The following XG variants were observed in gnomAD, a reference collection of about 807,000 sequenced individuals.
The protein encoded by XG is glycoprotein Xg.
Under a neutral mutation model 25.7 loss-of-function variants are expected in XG, and 24 were observed. The observed-to-expected ratio is 0.93, with a 90% CI of 0.68 to 1.31. The LOEUF is 1.31. Ranked by LOEUF, XG falls within the 40% of genes most tolerant of loss-of-function variation. The pLI is 0.00. For synonymous variants in XG, 77 were observed against 69.2 expected (o/e 1.11, Z -0.56); for missense variants, 181 against 187.6 (o/e 0.96, Z 0.21).
intron 3 of XG, among the ~76,000 whole-genome samples, chrX:2,776,372 C>G (rs1349672082): frequency 6.6e-6 from 1 of 150,960 alleles, no homozygotes; most frequent in Non-Finnish European, 1.5e-5. Flanking sequence ...AAGACTATTA[C>G]AAGGTGATAG....
At chrX:2,803,150 T>C (rs1313665255) in intron 7 of XG, among the ~76,000 whole-genome samples, 1 of 111,573 alleles carries the variant, frequency 9.0e-6, no homozygotes, top group Non-Finnish European at 1.9e-5. Context: ...TTTTTTATTG[T>C]TTTATTATTT....
chrX:2,769,903 G>T (rs2050775981), intron 1 of XG, among the ~76,000 whole-genome samples: 1 of 152,182 alleles, frequency 6.6e-6, no homozygotes, highest in Non-Finnish European at 1.5e-5. Flanking sequence ...GCCAGGTGAG[G>T]TGGCAAAGGT....
intron 3 of XG, among the ~76,000 whole-genome samples, chrX:2,779,976 A>C (rs2051083252): frequency 6.6e-6 from 1 of 152,128 alleles, no homozygotes; most frequent in Non-Finnish European, 1.5e-5. Context: ...TCTCTAGGTT[A>C]CTCATAACTC....
intron 5 of XG, among the ~76,000 whole-genome samples, chrX:2,790,505 GA>G (rs55649691): frequency 3.4e-4 from 27 of 79,688 alleles, no homozygotes; most frequent in East Asian, 1.2e-3. Flanking sequence ...GTCTCAAAAG[GA>G]AAAAAAAAAA....
chrX:2,768,995 G>A (rs2050757722), intron 1 of XG, among the ~76,000 whole-genome samples: 1 of 152,144 alleles, frequency 6.6e-6, no homozygotes, highest in South Asian at 2.1e-4. Context: ...CTGGGCCCAG[G>A]GGCAGCTGCT....
intron 2 of XG, among the ~76,000 whole-genome samples, chrX:2,773,962 CA>C (rs2050913275): frequency 6.6e-6 from 1 of 152,118 alleles, no homozygotes; most frequent in African/African-American, 2.4e-5. Flanking sequence ...TTTGGAGGTT[CA>C]AGCTCTCCTT....
At chrX:2,770,898 T>A (rs780855071) in intron 2 of XG, among the ~76,000 whole-genome samples, 3 of 152,074 alleles carry the variant, frequency 2.0e-5, no homozygotes, top group Non-Finnish European at 2.9e-5. Flanking sequence ...CAGACTGGAG[T>A]GCAGTGGTGC....
Position 2,752,306 on chromosome X carries a change from C to T in XG, c.32C>T (p.Ala11Val), listed in dbSNP as rs201556189. The T allele has an allele frequency of 5.0e-6, 8 of 1,613,712 alleles. No homozygotes were observed. In the East Asian group the frequency reaches 6.7e-5, roughly 13 times the overall value. Reference sequence around the variant, plus strand: ...AGCTGGTGGGGACTTCCCTGTCTTGCGTTCCTGTGTTTTCTAATGCACGCC... The same window carrying T: ...AGCTGGTGGGGACTTCCCTGTCTTGTGTTCCTGTGTTTTCTAATGCACGCC... MESWWGLPCL[A>V]FLCFLMHARG... is the part of the protein sequence containing the mutation. Residue 11 changes from alanine (A) to valine (V), a missense_variant, in exon 1 of 11, where the codon GCG becomes GTG. By Grantham distance (64) the Ala-to-Val change is moderately conservative. Coordinates refer to ENST00000644266, the MANE Select transcript of XG (RefSeq NM_001141919.2).
chrX:2,816,442 A>G lies in XG; in HGVS notation c.*2062A>G, dbSNP rs960131430. On this transcript the variant is annotated 3_prime_UTR_variant, in exon 11 of 11. Coordinates refer to ENST00000644266, the MANE Select transcript of XG (RefSeq NM_001141919.2). ...CCTCCATCTACTCAATGGGAAGATGATAAGGATGAAGACCTTTATGGTGAT... is the reference window on the plus strand; with the variant it reads ...CCTCCATCTACTCAATGGGAAGATGGTAAGGATGAAGACCTTTATGGTGAT... 3.6e-5 allele frequency: 4 copies of G among 112,081 alleles called. No homozygotes were observed. The highest frequency in any genetic ancestry group is 1.3e-4 in the African/African-American group (4 of 30,873). The allele number at this position is 112,081 out of a possible 1,213,427, so 9.2% of individuals were successfully genotyped here.
chrX:2,789,737 T>TTATTTTATTTTATTTTATTTTAC (rs1186106848), intron 5 of XG, 31 bp downstream of exon 5: 2 of 688,294 alleles, frequency 2.9e-6, no homozygotes, highest in Non-Finnish European at 1.9e-6. Context: ...TATTTTTATT[T>TTATTTTATTTTATTTTATTTTAC]TATTTTATTT....
chrX:2,789,709 A>T lies in XG; in HGVS notation c.253+3A>T. 1 of 1,029,376 alleles carries T rather than the reference A, an allele frequency of 9.7e-7. No homozygotes were observed. Among genetic ancestry groups the T allele is most frequent in the Non-Finnish European group, 1.3e-6 (1 of 786,784 alleles). 84.8% of individuals were successfully genotyped at this position (1,029,376 alleles called of 1,213,427 possible). A position where few individuals can be genotyped will look rare whatever the true frequency, so the allele number is the denominator to read the frequency against. Reference sequence around the variant, plus strand: ...TGGCAATTCCGGCAACAGTGGAGGTAATGAGTATTTATTTATTTATTTTTA... The same window carrying T: ...TGGCAATTCCGGCAACAGTGGAGGTTATGAGTATTTATTTATTTATTTTTA... On this transcript the variant is annotated splice_donor_region_variant and intron_variant, in intron 5 of 10. Transcript: ENST00000644266.
chrX:2,756,897 C>T (rs764761221), intron 1 of XG, among the ~76,000 whole-genome samples: 28 of 152,318 alleles, frequency 1.8e-4, no homozygotes, highest in African/African-American at 6.0e-4. Flanking sequence ...GGGCGTTTTA[C>T]GGTGCTCTTT....
intron 3 of XG, among the ~76,000 whole-genome samples, chrX:2,777,346 A>G (rs1336991940): frequency 1.3e-5 from 2 of 152,228 alleles, no homozygotes; most frequent in Non-Finnish European, 2.9e-5. Context: ...GCTAAAAATA[A>G]AAATTGAACA....
chrX:2,801,262 T>G (rs1288102285), intron 7 of XG, among the ~76,000 whole-genome samples: 1 of 110,070 alleles, frequency 9.1e-6, no homozygotes, highest in East Asian at 2.9e-4. Context: ...CACAGACACA[T>G]GTGGTTGGGT....
At chrX:2,800,372 A>G (rs2086923568) in intron 7 of XG, among the ~76,000 whole-genome samples, 1 of 112,157 alleles carries the variant, frequency 8.9e-6, no homozygotes, top group Non-Finnish European at 1.9e-5. Flanking sequence ...CCTGGCTGCA[A>G]CAGCAAAGAT....
At chrX:2,763,671 A>G (rs1904295706) in intron 1 of XG, among the ~76,000 whole-genome samples, 1 of 152,164 alleles carries the variant, frequency 6.6e-6, no homozygotes, top group Admixed American at 6.5e-5. Flanking sequence ...AGATCAAAGC[A>G]ATGTATAGCC....
Position 2,790,168 on chromosome X carries a change from T to C in XG, c.253+462T>C, listed in dbSNP as rs771106316. On this transcript the variant is annotated intron_variant, in intron 5 of 10. Coordinates refer to ENST00000644266, the MANE Select transcript of XG (RefSeq NM_001141919.2). ...ATGCTGGGATTACAGGCACCAGCTATTGTGGCCCAGCCTGATAATCAGTAT... is the reference window on the plus strand; with the variant it reads ...ATGCTGGGATTACAGGCACCAGCTACTGTGGCCCAGCCTGATAATCAGTAT... 9.4e-4 allele frequency among the ~76,000 whole-genome samples: 105 copies of C among 111,667 alleles called. 3 individuals carry two copies. Among genetic ancestry groups the C allele is most frequent in the Non-Finnish European group, 2.1e-4 (11 of 53,173 alleles).
intron 5 of XG, among the ~76,000 whole-genome samples, chrX:2,790,687 C>A (rs1439132216): frequency 9.0e-6 from 1 of 111,253 alleles, no homozygotes. Flanking sequence ...GTAATCCCAG[C>A]TACTGGGGAG....
intron 3 of XG, among the ~76,000 whole-genome samples, chrX:2,776,117 C>T (rs769575152): frequency 1.4e-5 from 2 of 143,404 alleles, no homozygotes; most frequent in African/African-American, 5.0e-5. Context: ...GTATGTTGTA[C>T]CTGAGCGAGT....
Sources: allele counts gnomAD v4.1 joint callset (sites outside exome capture counted in the v4.1 genomes callset), GRCh38; gene constraint gnomAD v4.1.1; transcripts MANE v1.5; gene names NCBI Gene and HGNC (gene_info 2026-07-23, HGNC 2026-07-21).